Variants in HROB observed in about 807,000 individuals in gnomAD.
The protein encoded by HROB is homologous recombination factor with OB-fold.
A neutral mutation model predicts 61.0 loss-of-function variants in HROB; 44 were observed. The observed-to-expected ratio is 0.72, with a 90% CI of 0.57 to 0.93. The LOEUF (loss-of-function observed/expected upper bound fraction) is 0.93, where lower values mean the gene tolerates loss of function less well. HROB is among the 40% of genes least tolerant of loss of function. HROB has a pLI of 0.00. For synonymous variants in HROB, 301 were observed against 310.4 expected, an observed-to-expected ratio of 0.97 and a Z score of 0.32; for missense variants, 716 against 796.2, an observed-to-expected ratio of 0.90 and a Z score of 1.21.
At chr17:44,145,028 A>G (rs964834297) in intron 1 of HROB, among the ~76,000 whole-genome samples, 175 bp from the exon 2 acceptor site, 12 of 152,108 alleles carry the variant, frequency 7.9e-5, no homozygotes, top group Non-Finnish European at 1.5e-4. Context: ...AGATTGTTTA[A>G]GTCTTTAACG....
At chr17:44,161,805 T>C (rs2054148761) in intron 9 of HROB, 66 bp from the exon 10 acceptor site, 5 of 1,560,032 alleles carry the variant, frequency 3.2e-6, no homozygotes, top group Admixed American at 1.7e-5. Context: ...GGCAGAAACT[T>C]TGGACCTGAG....
chr17:44,155,334 C>T lies in HROB; in HGVS notation c.1693C>T (p.Pro565Ser), dbSNP rs751446597. The T allele has an allele frequency of 5.0e-6, 8 of 1,614,196 alleles. No individual in the cohort carries two copies. Among genetic ancestry groups the T allele is most frequent in the Non-Finnish European group, 6.8e-6 (8 of 1,180,040 alleles). ...TCGAAATCACTACCTCAACGTGACA[C>T]CCAACAACCTGGTCCATATTTACAG... ...SLRNHYLNVT[P>S]NNLVHIYSPD... The change falls in exon 8 of 10, where the codon CCC becomes TCC. Residue 565 changes from proline to serine, a missense_variant. By Grantham distance (74) the Pro-to-Ser change is moderately conservative (BLOSUM62 -1). Coordinates refer to ENST00000585683, the MANE Select transcript of HROB (RefSeq NM_001171251.3).
rs372363245 is a variant in HROB, at chr17:44,152,773, G to A, written c.1445G>A (p.Arg482His). Residue 482 changes from arginine to histidine, a missense_variant, in exon 5 of 10, where the codon CGC (arginine) becomes CAC (histidine). Arg to His is a conservative substitution (Grantham distance 29). Coordinates refer to ENST00000585683, the MANE Select transcript of HROB (RefSeq NM_001171251.3). Reference sequence around the variant, plus strand: ...ACCTACAGCATTGTCATGGTGCTGCGCAAGGTAAGGATTCTGGGTGCTGAG... The same window carrying A: ...ACCTACAGCATTGTCATGGTGCTGCACAAGGTAAGGATTCTGGGTGCTGAG... ...LCTYSIVMVL[R>H]KAALKQLPRN... 1.7e-5 allele frequency: 27 copies of A among 1,612,722 alleles called. No individual in the cohort carries two copies. Among genetic ancestry groups the A allele is most frequent in the South Asian group, 5.5e-5 (5 of 90,960 alleles).
intron 6 of HROB, 25 bp downstream of exon 6, chr17:44,154,689 C>A (rs1191855194): frequency 1.2e-6 from 2 of 1,611,466 alleles, no homozygotes; most frequent in South Asian, 2.2e-5. Flanking sequence ...CCTAGGTTGT[C>A]TGGTGAGTGG....
At chr17:44,145,585 A>G (rs989610042) in intron 2 of HROB, among the ~76,000 whole-genome samples, 1 of 152,054 alleles carries the variant, frequency 6.6e-6, no homozygotes, top group Admixed American at 6.6e-5. Context: ...GAACCATGTA[A>G]GAGATAGCAT....
chr17:44,151,588 C>T (rs1223837098), intron 4 of HROB, among the ~76,000 whole-genome samples: 4 of 152,186 alleles, frequency 2.6e-5, no homozygotes, highest in African/African-American at 9.7e-5. Flanking sequence ...GCAGCAGATA[C>T]TCTCTGGATT....
At position 44,152,725 on chromosome 17, in the gene HROB, G is replaced by C. The variant is rs1039589684; in HGVS notation, c.1397G>C (p.Arg466Thr). ...TMKSTLGLDE[R>T]DPSCFLCTYS... ...AAATCCACGCTAGGCCTGGATGAGA[G>C]AGACCCTAGCTGCTTCCTCTGTACC... Residue 466 changes from arginine to threonine, a missense_variant, in exon 5 of 10, where the codon AGA becomes ACA. Transcript: ENST00000585683. 7 of 1,614,104 alleles carry C rather than the reference G, an allele frequency of 4.3e-6. No homozygotes were observed. The highest frequency in any genetic ancestry group is 5.9e-6 in the Non-Finnish European group (7 of 1,180,048).
At chr17:44,151,486 T>C (rs2053803364) in intron 4 of HROB, among the ~76,000 whole-genome samples, 1 of 152,200 alleles carries the variant, frequency 6.6e-6, no homozygotes, top group Non-Finnish European at 1.5e-5. Context: ...GTTGACCTGC[T>C]CTGCCCTCAA....
chr17:44,153,436 T>C (rs1412870397), intron 5 of HROB, among the ~76,000 whole-genome samples: 1 of 151,108 alleles, frequency 6.6e-6, no homozygotes, highest in African/African-American at 2.4e-5. Context: ...GCCGGGGCAA[T>C]AGAGCGAGAG....
intron 1 of HROB, among the ~76,000 whole-genome samples, chr17:44,143,995 T>TA (rs1567710572): frequency 3.3e-5 from 5 of 151,826 alleles, no homozygotes. Context: ...TTTTTTTTTT[T>TA]AAGACAGAGT....
At chr17:44,150,926 G>A in intron 3 of HROB, 35 bp from the exon 4 acceptor site, 1 of 1,540,116 alleles carries the variant, frequency 6.5e-7, no homozygotes, top group Non-Finnish European at 9.0e-7. Flanking sequence ...CAGCTGCTAA[G>A]CTTGCTCTCA....
chr17:44,154,588 C>A lies in HROB; in HGVS notation c.1482C>A (p.Val494=). 1 of 1,614,156 alleles carries A rather than the reference C, an allele frequency of 6.2e-7. No homozygotes were observed. Among genetic ancestry groups the A allele is most frequent in the Non-Finnish European group, 8.5e-7 (1 of 1,180,042 alleles). Residue 494 remains valine (V), a synonymous_variant, in exon 6 of 10, where the codon GTC becomes GTA. Transcript: ENST00000585683. Reference sequence around the variant, plus strand: ...TGAAGCAGCTTCCTAGGAACAAGGTCCCCAACATGGCGGTGATGATCAAGT... The same window carrying A: ...TGAAGCAGCTTCCTAGGAACAAGGTACCCAACATGGCGGTGATGATCAAGT... The part of the protein sequence containing the change: ...AALKQLPRNK[V]PNMAVMIKSL...
intron 2 of HROB, among the ~76,000 whole-genome samples, chr17:44,145,861 T>C (rs1486348771): frequency 2.0e-5 from 3 of 152,190 alleles, no homozygotes; most frequent in Non-Finnish European, 2.9e-5. Flanking sequence ...GGATATTTCT[T>C]TTTTTTCCTT....
At chr17:44,144,098 C>G (rs1391252138) in intron 1 of HROB, among the ~76,000 whole-genome samples, 1 of 150,734 alleles carries the variant, frequency 6.6e-6, no homozygotes, top group Non-Finnish European at 1.5e-5. Context: ...CTGCCTTAGC[C>G]TTCCAAGTAG....
At chr17:44,153,499 ATCT>A (rs1275076405) in intron 5 of HROB, among the ~76,000 whole-genome samples, 16 of 152,082 alleles carry the variant, frequency 1.1e-4, no homozygotes, top group African/African-American at 3.9e-4. Flanking sequence ...CACACCTATA[ATCT>A]TGAGAGGTCA....
In HROB at chr17:44,148,532, G is replaced by A; in HGVS notation, c.729G>A (p.Leu243=). The change falls in exon 3 of 10, where the codon TTG becomes TTA. Residue 243 remains leucine, a synonymous_variant. Coordinates refer to ENST00000585683, the MANE Select transcript of HROB (RefSeq NM_001171251.3). Reference sequence around the variant, plus strand: ...AATGTAGGACTCCACGACCCCCCTTGAGACCTGGTGCTGTGGGTCACCTTC... The same window carrying A: ...AATGTAGGACTCCACGACCCCCCTTAAGACCTGGTGCTGTGGGTCACCTTC... ...VIQCRTPRPP[L]RPGAVGHLPV... is the part of the protein sequence containing the mutation. 6.2e-7 allele frequency: 1 copy of A among 1,614,090 alleles called. No homozygotes were observed.
chr17:44,159,299 G>A (rs1367983722), intron 9 of HROB, among the ~76,000 whole-genome samples: 2 of 152,154 alleles, frequency 1.3e-5, no homozygotes, highest in African/African-American at 4.8e-5. Context: ...CCAATCATTA[G>A]TTTTTAGTAC....
At chr17:44,155,225 G>A in intron 7 of HROB, 61 bp from the exon 8 acceptor site, 1 of 1,601,142 alleles carries the variant, frequency 6.2e-7, no homozygotes, top group Non-Finnish European at 8.5e-7. Flanking sequence ...GGAGCCAGGT[G>A]TCCATCTGGC....
In HROB at chr17:44,148,114, T is replaced by C. The variant is rs115602554; in HGVS notation, c.311T>C (p.Val104Ala). 1.5e-4 allele frequency: 244 copies of C among 1,614,122 alleles called. 1 individual carries two copies. The East Asian group carries it at 3.4e-3, about 23-fold the overall frequency. The change falls in exon 3 of 10, where the codon GTC (valine) becomes GCC (alanine). Residue 104 changes from valine (V) to alanine (A), a missense_variant. Coordinates refer to ENST00000585683, the MANE Select transcript of HROB (RefSeq NM_001171251.3). ...ATAGGAGCAGCTCCCCTAAGGCCTG[T>C]CTCTACTTCCAGCAGCTGGATTGGC... ...SCIGAAPLRP[V>A]STSSSWIGNQ...
Sources: gnomAD v4.1 joint callset for allele counts (sites outside exome capture counted in the v4.1 genomes callset) on GRCh38, gnomAD v4.1.1 for gene constraint, MANE v1.5 for transcripts, NCBI Gene and HGNC (gene_info 2026-07-23, HGNC 2026-07-21) for gene names.